FGF12: variants seen among roughly 807,000 people sequenced by gnomAD.
FGF12 encodes the protein fibroblast growth factor 12B.
FGF12 carries 14 observed loss-of-function variants against 23.6 expected under a neutral mutation model. The observed-to-expected ratio is 0.59, with a 90% CI of 0.39 to 0.93. The LOEUF (loss-of-function observed/expected upper bound fraction) is 0.93. Among genes scored for constraint, FGF12 ranks in the 40% least tolerant of loss-of-function variants. The probability of loss-of-function intolerance (pLI) is 0.00; values close to 1 mark genes in which losing one functional copy is unlikely to be tolerated. For missense variants in FGF12, 175 were observed against 217.8 expected (o/e 0.80, Z 1.24); for synonymous variants, 62 against 77.3 (o/e 0.80, Z 1.04).
intron 2 of FGF12, among the ~76,000 whole-genome samples, chr3:192,399,956 G>A (rs1269426738): frequency 2.0e-5 from 3 of 152,164 alleles, no homozygotes; most frequent in Non-Finnish European, 4.4e-5. Flanking sequence ...TTACAAGACC[G>A]CCACCCTCAG....
intron 4 of FGF12, among the ~76,000 whole-genome samples, chr3:192,307,355 C>T (rs563479478): frequency 7.2e-5 from 11 of 152,184 alleles, no homozygotes; most frequent in African/African-American, 2.2e-4. Context: ...CTCCAGGGTA[C>T]GCTTTAGGTA....
chr3:192,474,288 C>T (rs2108815283), intron 2 of FGF12, among the ~76,000 whole-genome samples: 1 of 152,258 alleles, frequency 6.6e-6, no homozygotes, highest in Non-Finnish European at 1.5e-5. Context: ...TTTGTCAGTT[C>T]AGAATTTCTT....
At chr3:192,585,963 A>C (rs1295665379) in intron 2 of FGF12, among the ~76,000 whole-genome samples, 1 of 152,200 alleles carries the variant, frequency 6.6e-6, no homozygotes, top group Non-Finnish European at 1.5e-5. Context: ...ATGAAGAGAA[A>C]ATATTGTATT....
intron 2 of FGF12, among the ~76,000 whole-genome samples, chr3:192,442,640 T>G (rs1306044971): frequency 6.6e-6 from 1 of 152,216 alleles, no homozygotes; most frequent in Non-Finnish European, 1.5e-5. Context: ...CACTGGTGTA[T>G]GTAATCAATT....
At chr3:192,420,198 G>C (rs774189950) in intron 2 of FGF12, among the ~76,000 whole-genome samples, 5 of 152,114 alleles carry the variant, frequency 3.3e-5, no homozygotes, top group Non-Finnish European at 5.9e-5. Flanking sequence ...AAAGGAAAAT[G>C]GTCGGGGGTG....
At chr3:192,355,659 G>T (rs1168450718) in intron 3 of FGF12, among the ~76,000 whole-genome samples, 2 of 152,134 alleles carry the variant, frequency 1.3e-5, no homozygotes, top group Non-Finnish European at 2.9e-5. Flanking sequence ...TTTAAGGAGG[G>T]CTCAAAGATA....
intron 2 of FGF12, among the ~76,000 whole-genome samples, chr3:192,550,063 C>T (rs1298118157): frequency 6.6e-6 from 1 of 151,768 alleles, no homozygotes; most frequent in African/African-American, 2.4e-5. Context: ...ACACATATAT[C>T]TATACACTCA....
intron 2 of FGF12, among the ~76,000 whole-genome samples, chr3:192,659,903 C>T (rs542330933): frequency 1.1e-4 from 17 of 151,976 alleles, no homozygotes; most frequent in Non-Finnish European, 1.9e-4. Flanking sequence ...CCAGTGATGA[C>T]GAGCATTTTT....
intron 5 of FGF12, among the ~76,000 whole-genome samples, chr3:192,144,810 C>G (rs1196676228): frequency 6.6e-6 from 1 of 152,152 alleles, no homozygotes; most frequent in East Asian, 1.9e-4. Context: ...CATCTGTGAG[C>G]CATCATGGCT....
chr3:192,196,962 G>C (rs912649539), intron 4 of FGF12, among the ~76,000 whole-genome samples: 60 of 152,228 alleles, frequency 3.9e-4, no homozygotes, highest in African/African-American at 1.3e-3. Context: ...TCAGGAAAGA[G>C]ATCGGTTATG....
chr3:192,247,072 G>GGAAGGAAA, intron 4 of FGF12, among the ~76,000 whole-genome samples: 1 of 147,096 alleles, frequency 6.8e-6, no homozygotes, highest in Admixed American at 6.8e-5. Context: ...AAGGAAGGAA[G>GGAAGGAAA]GAAGGAAGGA....
chr3:192,584,053 A>G (rs941355953), intron 2 of FGF12, among the ~76,000 whole-genome samples: 1 of 152,214 alleles, frequency 6.6e-6, no homozygotes, highest in Admixed American at 6.5e-5. Flanking sequence ...TCTAAATTCA[A>G]TAAGGAGCCA....
At chr3:192,439,078 C>CT in intron 2 of FGF12, among the ~76,000 whole-genome samples, 1 of 152,152 alleles carries the variant, frequency 6.6e-6, no homozygotes, top group Non-Finnish European at 1.5e-5. Flanking sequence ...AGATCGACTG[C>CT]CTTTTTCACA....
intron 2 of FGF12, among the ~76,000 whole-genome samples, chr3:192,542,123 T>C (rs184908407): frequency 1.5e-4 from 23 of 151,840 alleles, no homozygotes; most frequent in Non-Finnish European, 2.9e-4. Context: ...TCCGCCTACC[T>C]TGGCCTCCCA....
intron 3 of FGF12, among the ~76,000 whole-genome samples, chr3:192,351,306 C>T (rs958740929): frequency 2.0e-5 from 3 of 152,022 alleles, no homozygotes; most frequent in African/African-American, 7.2e-5. Flanking sequence ...GGAAGTAAAC[C>T]AAGGAACAGA....
intron 2 of FGF12, among the ~76,000 whole-genome samples, chr3:192,637,339 C>A (rs1258631302): frequency 6.6e-6 from 1 of 152,178 alleles, no homozygotes; most frequent in Admixed American, 6.5e-5. Flanking sequence ...TAAATTATGA[C>A]CATAAGCTCT....
intron 4 of FGF12, among the ~76,000 whole-genome samples, chr3:192,273,277 A>G (rs1015561083): frequency 6.6e-6 from 1 of 152,228 alleles, no homozygotes; most frequent in Non-Finnish European, 1.5e-5. Flanking sequence ...AGACACTGCC[A>G]TTCCTACTGT....
chr3:192,275,063 C>A (rs958723371), intron 4 of FGF12, among the ~76,000 whole-genome samples: 3 of 152,100 alleles, frequency 2.0e-5, no homozygotes, highest in Admixed American at 2.0e-4. Flanking sequence ...TCTATTATTT[C>A]TTTTGTTCAG....
intron 4 of FGF12, 140 bp from the exon 5 acceptor site, chr3:192,170,796 C>T: frequency 1.4e-6 from 1 of 717,300 alleles, no homozygotes; most frequent in Non-Finnish European, 2.2e-6. Context: ...TTCTATTAGC[C>T]TTTGGTTACA....
Sources: gnomAD v4.1 joint callset for allele counts (sites outside exome capture counted in the v4.1 genomes callset) on GRCh38, gnomAD v4.1.1 for gene constraint, MANE v1.5 for transcripts, NCBI Gene and HGNC (gene_info 2026-07-23, HGNC 2026-07-21) for gene names.